Variants in GULP1 observed in about 807,000 individuals in gnomAD.
The protein encoded by GULP1 is PTB domain-containing engulfment adapter protein 1.
Under a neutral mutation model 40.9 loss-of-function variants are expected in GULP1, and 19 were observed. The ratio of observed to expected loss-of-function variants is 0.46; its 90% CI spans 0.32 to 0.68. GULP1 has a LOEUF of 0.68. GULP1 is among the 30% of genes least tolerant of loss of function. GULP1 has a pLI of 0.03. For missense variants in GULP1, 312 were observed against 362.2 expected (o/e 0.86, Z 1.12); for synonymous variants, 119 against 117.6 (o/e 1.01, Z -0.08).
rs1704209985 is a variant in GULP1, at chr2:188,594,900, ATTTTCTTCTTTGATG to A, written c.*890_*904del. ...ACTGCATAAGGACTACTCTTCTCATATTTTCTTCTTTGATGAAGATATTTTTCACCAAAGTTTATT... is the reference window on the plus strand; with the variant it reads ...ACTGCATAAGGACTACTCTTCTCATAAAGATATTTTTCACCAAAGTTTATT... On this transcript the variant is annotated 3_prime_UTR_variant, in exon 12 of 12. Coordinates refer to ENST00000409830, the MANE Select transcript of GULP1 (RefSeq NM_016315.4). 6.6e-6 allele frequency: 1 copy of A among 151,410 alleles called. No individual in the cohort carries two copies. Among genetic ancestry groups the A allele is most frequent in the Non-Finnish European group, 1.5e-5 (1 of 67,682 alleles). The allele number at this position is 151,410 out of a possible 1,614,324, so 9.4% of individuals were successfully genotyped here. A position where few individuals can be genotyped will look rare whatever the true frequency, so the allele number is the denominator to read the frequency against.
chr2:188,574,823 A>T (rs1266577133), intron 9 of GULP1, among the ~76,000 whole-genome samples: 1 of 152,300 alleles, frequency 6.6e-6, no homozygotes, highest in African/African-American at 2.4e-5. Context: ...TGATGTTGAT[A>T]TCCTTATTCT....
At chr2:188,498,391 G>T (rs536123908) in intron 4 of GULP1, among the ~76,000 whole-genome samples, 1 of 151,784 alleles carries the variant, frequency 6.6e-6, no homozygotes, top group Non-Finnish European at 1.5e-5. Context: ...GAACATCTGG[G>T]TTAGAAATAT....
At chr2:188,297,071 A>G (rs888812551) in intron 1 of GULP1, among the ~76,000 whole-genome samples, 2 of 151,974 alleles carry the variant, frequency 1.3e-5, no homozygotes, top group African/African-American at 2.4e-5. Flanking sequence ...AGCTTCAGTT[A>G]ATTGATATTT....
Position 188,295,980 on chromosome 2 carries a change from C to T in GULP1, c.-172+3814C>T, listed in dbSNP as rs185000471. Among the ~76,000 whole-genome samples, 620 of 151,840 alleles carry T rather than the reference C, an allele frequency of 4.1e-3. 13 individuals carry two copies. Among genetic ancestry groups the T allele is most frequent in the Non-Finnish European group, 8.1e-4 (55 of 67,870 alleles). On this transcript the variant is annotated intron_variant, in intron 1 of 11. Coordinates refer to ENST00000409830, the MANE Select transcript of GULP1 (RefSeq NM_016315.4). ...AGTGATGTATTTGTGATTCAATTCG[C>T]GATATTGCAATTTGTTTTCTAAAAC...
chr2:188,344,144 C>T lies in GULP1; in HGVS notation c.-171-39619C>T, dbSNP rs537791061. ...TTATAGCTGTTTTGCACATATATAA[C>T]GTGGCAGTAGGGAGTAAATACCTGA... On this transcript the variant is annotated intron_variant, in intron 1 of 11. Transcript: ENST00000409830. Among the ~76,000 whole-genome samples, 18 of 152,210 alleles carry T rather than the reference C, an allele frequency of 1.2e-4. No individual in the cohort carries two copies. In the East Asian group the frequency reaches 1.5e-3, roughly 13 times the overall value.
intron 9 of GULP1, among the ~76,000 whole-genome samples, chr2:188,575,208 T>G (rs1338878534): frequency 1.3e-5 from 2 of 152,210 alleles, no homozygotes; most frequent in Non-Finnish European, 2.9e-5. Context: ...TTGTTCTTAG[T>G]AGTAGACCGT....
chr2:188,328,950 G>C (rs2041155712), intron 1 of GULP1, among the ~76,000 whole-genome samples: 1 of 152,082 alleles, frequency 6.6e-6, no homozygotes, highest in African/African-American at 2.4e-5. Flanking sequence ...CTATGATACG[G>C]ATCAAACATC....
intron 9 of GULP1, among the ~76,000 whole-genome samples, chr2:188,581,870 A>C (rs946564727): frequency 1.3e-5 from 2 of 152,166 alleles, no homozygotes; most frequent in Non-Finnish European, 2.9e-5. Context: ...ACTTCAAATA[A>C]TGTTTTGAGG....
At chr2:188,522,248 G>A (rs2065860502) in intron 4 of GULP1, among the ~76,000 whole-genome samples, 2 of 151,212 alleles carry the variant, frequency 1.3e-5, no homozygotes, top group South Asian at 2.1e-4. Context: ...AAAGAAAAAT[G>A]TTTACTTGAA....
At chr2:188,409,553 T>C (rs991886118) in intron 2 of GULP1, among the ~76,000 whole-genome samples, 3 of 152,156 alleles carry the variant, frequency 2.0e-5, no homozygotes, top group Admixed American at 6.5e-5. Flanking sequence ...ACCAATTCTT[T>C]TCAATTTTTT....
intron 2 of GULP1, among the ~76,000 whole-genome samples, chr2:188,417,197 A>C (rs1040053015): frequency 6.6e-6 from 1 of 152,154 alleles, no homozygotes; most frequent in Admixed American, 6.5e-5. Context: ...TCCTTTTCCC[A>C]TTCTCTCTTA....
At chr2:188,350,058 A>G (rs1424778592) in intron 1 of GULP1, among the ~76,000 whole-genome samples, 1 of 152,134 alleles carries the variant, frequency 6.6e-6, no homozygotes, top group East Asian at 1.9e-4. Flanking sequence ...ATTCTACTCC[A>G]TTGATGTATA....
chr2:188,374,453 A>G (rs2048032496), intron 1 of GULP1, among the ~76,000 whole-genome samples: 1 of 152,158 alleles, frequency 6.6e-6, no homozygotes, highest in Non-Finnish European at 1.5e-5. Context: ...GACTGAATCC[A>G]GGCAGTTAGA....
chr2:188,427,705 T>C (rs888986510), intron 2 of GULP1, among the ~76,000 whole-genome samples: 2 of 152,308 alleles, frequency 1.3e-5, no homozygotes, highest in East Asian at 3.9e-4. Context: ...TCAGAGGATA[T>C]ATAGAAAAGA....
intron 2 of GULP1, among the ~76,000 whole-genome samples, chr2:188,435,665 T>C (rs1028203515): frequency 6.6e-6 from 1 of 152,096 alleles, no homozygotes; most frequent in African/African-American, 2.4e-5. Context: ...TTTTCTGGGC[T>C]GTATTCTCAT....
At chr2:188,352,614 T>TCACACACACACACACACACA (rs1326667036) in intron 1 of GULP1, among the ~76,000 whole-genome samples, 14 of 60,410 alleles carry the variant, frequency 2.3e-4, no homozygotes, top group East Asian at 1.2e-3. Flanking sequence ...TCTCTCTCTC[T>TCACACACACACACACACACA]CTCTCACACA....
At chr2:188,577,947 C>A (rs145037992) in intron 9 of GULP1, among the ~76,000 whole-genome samples, 4 of 151,474 alleles carry the variant, frequency 2.6e-5, no homozygotes, top group African/African-American at 9.7e-5. Flanking sequence ...TATAATTTTT[C>A]GGGTTTTTTA....
intron 4 of GULP1, among the ~76,000 whole-genome samples, chr2:188,503,993 T>C (rs1575646337): frequency 6.6e-6 from 1 of 151,924 alleles, no homozygotes; most frequent in East Asian, 1.9e-4. Context: ...ACAATCCTTT[T>C]TAAAATGCTG....
At chr2:188,400,122 G>A (rs1047806927) in intron 2 of GULP1, among the ~76,000 whole-genome samples, 4 of 152,188 alleles carry the variant, frequency 2.6e-5, no homozygotes, top group South Asian at 4.2e-4. Flanking sequence ...CCCTCCAAAG[G>A]CTCTAGGGGA....
Sources: gnomAD v4.1 joint callset for allele counts (sites outside exome capture counted in the v4.1 genomes callset) on GRCh38, gnomAD v4.1.1 for gene constraint, MANE v1.5 for transcripts, NCBI Gene and HGNC (gene_info 2026-07-23, HGNC 2026-07-21) for gene names.